Variants in WFDC9 observed in about 807,000 individuals in gnomAD.
WFDC9 encodes protein WFDC9.
Under a neutral mutation model 9.5 loss-of-function variants are expected in WFDC9, and 9 were observed. The ratio of observed to expected loss-of-function variants is 0.95; its 90% confidence interval spans 0.57 to 1.65. The LOEUF (loss-of-function observed/expected upper bound fraction) is 1.65, where lower values mean the gene tolerates loss of function less well. Ranked by LOEUF, WFDC9 falls within the 40% of genes most tolerant of loss-of-function variation. The pLI, the probability that WFDC9 is intolerant of heterozygous loss-of-function variation, is 0.00. For missense variants in WFDC9, 87 were observed against 106.7 expected (o/e 0.82, Z 0.81); for synonymous variants, 33 against 32.3 (o/e 1.02, Z -0.07).
At chr20:45,620,410 G>A (rs1982070843) in intron 1 of WFDC9, among the ~76,000 whole-genome samples, 1 of 152,088 alleles carries the variant, frequency 6.6e-6, no homozygotes, top group Non-Finnish European at 1.5e-5. Flanking sequence ...TGGCCAACAT[G>A]GAGAAACCCC....
intron 1 of WFDC9, among the ~76,000 whole-genome samples, chr20:45,623,241 A>G (rs6073822): frequency 0.17 from 26,583 of 152,200 alleles, 2,504 homozygotes; most frequent in East Asian, 0.32. Context: ...AAAGATCCCA[A>G]AATTAATCTG....
chr20:45,619,086 G>A (rs1364113619), intron 1 of WFDC9, among the ~76,000 whole-genome samples: 1 of 152,240 alleles, frequency 6.6e-6, no homozygotes, highest in Admixed American at 6.5e-5. Context: ...GTAAAAAGGT[G>A]TGGGAACAAA....
chr20:45,615,607 G>A (rs930474599), intron 1 of WFDC9, among the ~76,000 whole-genome samples: 1 of 152,072 alleles, frequency 6.6e-6, no homozygotes, highest in African/African-American at 2.4e-5. Flanking sequence ...TTTTCCTGAA[G>A]TCTTTTATTT....
chr20:45,629,727 TTTCC>T, intron 1 of WFDC9: 1 of 1,498,024 alleles, frequency 6.7e-7, no homozygotes. Flanking sequence ...TCATTCCTTC[TTTCC>T]TTCCTTCACT....
chr20:45,626,022 A>G (rs559439007), intron 1 of WFDC9, among the ~76,000 whole-genome samples: 81 of 151,762 alleles, frequency 5.3e-4, no homozygotes, highest in African/African-American at 1.9e-3. Context: ...GGGTTTTGCT[A>G]TGTTGGCCAG....
chr20:45,614,236 ATCATT>A (rs1382828504), intron 2 of WFDC9, among the ~76,000 whole-genome samples: 3 of 152,208 alleles, frequency 2.0e-5, no homozygotes, highest in Non-Finnish European at 4.4e-5. Flanking sequence ...CAAAAGAAAC[ATCATT>A]ATGCCCAGGC....
intron 1 of WFDC9, among the ~76,000 whole-genome samples, chr20:45,615,448 A>T (rs1981951389): frequency 6.6e-6 from 1 of 152,210 alleles, no homozygotes; most frequent in Non-Finnish European, 1.5e-5. Flanking sequence ...ACGCAGTGAC[A>T]GGAGATGTCA....
intron 1 of WFDC9, among the ~76,000 whole-genome samples, chr20:45,621,742 G>A (rs1237832482): frequency 6.6e-6 from 1 of 152,176 alleles, no homozygotes; most frequent in Admixed American, 6.5e-5. Flanking sequence ...ACAACTGATC[G>A]ATGGGGGAAT....
chr20:45,616,478 C>T (rs1469377791), intron 1 of WFDC9, among the ~76,000 whole-genome samples: 2 of 152,176 alleles, frequency 1.3e-5, no homozygotes, highest in African/African-American at 4.8e-5. Flanking sequence ...GAATCAACTT[C>T]TTCCAGACTC....
At chr20:45,608,986 A>G (rs570697308) in intron 3 of WFDC9, among the ~76,000 whole-genome samples, 176 bp from the exon 4 acceptor site, 4 of 152,174 alleles carry the variant, frequency 2.6e-5, no homozygotes, top group Non-Finnish European at 4.4e-5. Flanking sequence ...CCATCCTTGC[A>G]TGGCCTGTGT....
intron 1 of WFDC9, among the ~76,000 whole-genome samples, chr20:45,628,589 G>C (rs940209625): frequency 6.6e-6 from 1 of 152,222 alleles, no homozygotes; most frequent in African/African-American, 2.4e-5. Context: ...CTAGGAAAGA[G>C]AGAGCCTTTG....
At chr20:45,615,652 A>G (rs944425006) in intron 1 of WFDC9, among the ~76,000 whole-genome samples, 1 of 152,216 alleles carries the variant, frequency 6.6e-6, no homozygotes, top group Non-Finnish European at 1.5e-5. Flanking sequence ...GAAATATTTA[A>G]TAGTTGAAAG....
intron 1 of WFDC9, among the ~76,000 whole-genome samples, chr20:45,621,553 C>T (rs763435453): frequency 1.3e-5 from 2 of 152,214 alleles, no homozygotes; most frequent in Non-Finnish European, 2.9e-5. Context: ...CTCACTGTGC[C>T]TCAACCATTT....
chr20:45,610,233 C>T lies in WFDC9; in HGVS notation c.-52G>A. 6.7e-7 allele frequency: 1 copy of T among 1,481,608 alleles called. No homozygotes were observed. The highest frequency in any genetic ancestry group is 9.4e-7 in the Non-Finnish European group (1 of 1,064,290). The allele number at this position is 1,481,608 out of a possible 1,614,324, so 91.8% of individuals were successfully genotyped here. A position where few individuals can be genotyped will look rare whatever the true frequency, so the allele number is the denominator to read the frequency against. On this transcript the variant is annotated 5_prime_UTR_variant, in exon 3 of 5. Transcript: ENST00000326000. Reference sequence around the variant, plus strand: ...AGTTCTGGCAGAAGGCAAGTCTTTTCCCAATACTGCTAGACGTAGAAAATG... The same window carrying T: ...AGTTCTGGCAGAAGGCAAGTCTTTTTCCAATACTGCTAGACGTAGAAAATG...
At chr20:45,611,105 T>C (rs1457967864) in intron 2 of WFDC9, among the ~76,000 whole-genome samples, 1 of 152,194 alleles carries the variant, frequency 6.6e-6, no homozygotes, top group Non-Finnish European at 1.5e-5. Flanking sequence ...CAATGAACCC[T>C]TGAAATCTCC....
chr20:45,628,340 G>T (rs1213915075), intron 1 of WFDC9, among the ~76,000 whole-genome samples: 1 of 152,164 alleles, frequency 6.6e-6, no homozygotes, highest in African/African-American at 2.4e-5. Flanking sequence ...TACTGAGCTG[G>T]TGGAAAAGAA....
intron 1 of WFDC9, chr20:45,629,752 A>C: frequency 6.4e-7 from 1 of 1,573,264 alleles, no homozygotes; most frequent in Non-Finnish European, 8.7e-7. Flanking sequence ...CTCCGTAGAC[A>C]GCTCTGCAGG....
intron 1 of WFDC9, among the ~76,000 whole-genome samples, chr20:45,622,608 A>G (rs1982125638): frequency 6.6e-6 from 1 of 152,174 alleles, no homozygotes; most frequent in African/African-American, 2.4e-5. Flanking sequence ...AACATTTGAG[A>G]GTCAGTTACT....
intron 1 of WFDC9, among the ~76,000 whole-genome samples, chr20:45,622,858 A>G (rs1982132156): frequency 6.6e-6 from 1 of 152,230 alleles, no homozygotes; most frequent in African/African-American, 2.4e-5. Context: ...TGTGATGTTC[A>G]CTGCTAGGTT....
Sources: gnomAD v4.1 joint callset for allele counts (sites outside exome capture counted in the v4.1 genomes callset) on GRCh38, gnomAD v4.1.1 for gene constraint, MANE v1.5 for transcripts, NCBI Gene and HGNC (gene_info 2026-07-23, HGNC 2026-07-21) for gene names.